Variants in RAPGEF1 observed in about 807,000 individuals in gnomAD.
RAPGEF1 encodes Rap guanine nucleotide exchange factor 1.
RAPGEF1 carries 33 observed loss-of-function variants against 143.3 expected under a neutral mutation model. The ratio of observed to expected loss-of-function variants is 0.23; its 90% confidence interval spans 0.17 to 0.31. The LOEUF (loss-of-function observed/expected upper bound fraction) is 0.31, where lower values mean the gene tolerates loss of function less well. Ranked by LOEUF, RAPGEF1 falls within the 10% of genes least tolerant of loss-of-function variation. RAPGEF1 has a pLI of 1.00. For synonymous variants in RAPGEF1, 629 were observed against 676.5 expected (o/e 0.93, Z 1.09); for missense variants, 1,199 against 1,645.4 (o/e 0.73, Z 4.69).
chr9:131,605,282 C>T lies in RAPGEF1; in HGVS notation c.2062-94G>A, dbSNP rs1243360685. ...TGGCAGTAGCTGAGCAGTGACAGGC[C>T]GTTCACAATAACTTAGTCTAACGGG... On this transcript the variant is annotated intron_variant, in intron 12 of 26. Transcript: ENST00000683357. The T allele has an allele frequency of 1.9e-5, 21 of 1,104,672 alleles. No homozygotes were observed. In the Middle Eastern group the frequency reaches 1.5e-3, roughly 77 times the overall value. The allele number at this position is 1,104,672 out of a possible 1,614,324, so 68.4% of individuals were successfully genotyped here.
intron 15 of RAPGEF1, among the ~76,000 whole-genome samples, chr9:131,599,113 G>A (rs1478587569): frequency 2.0e-5 from 3 of 146,564 alleles, no homozygotes; most frequent in Non-Finnish European, 4.5e-5. Context: ...GTGAGCCACC[G>A]TGCCCAGCCA....
intron 1 of RAPGEF1, among the ~76,000 whole-genome samples, chr9:131,715,263 G>C (rs1429454011): frequency 6.6e-6 from 1 of 152,164 alleles, no homozygotes; most frequent in Non-Finnish European, 1.5e-5. Flanking sequence ...GGTGATCAGT[G>C]CTAAATTCAG....
chr9:131,699,402 G>A (rs1057040841), intron 1 of RAPGEF1, among the ~76,000 whole-genome samples: 1 of 152,056 alleles, frequency 6.6e-6, no homozygotes, highest in African/African-American at 2.4e-5. Context: ...GTGCCACCAT[G>A]CCTGGCTAAT....
intron 3 of RAPGEF1, among the ~76,000 whole-genome samples, chr9:131,649,478 G>A (rs950272117): frequency 1.3e-5 from 2 of 152,134 alleles, no homozygotes; most frequent in Non-Finnish European, 1.5e-5. Context: ...CAGACAGCCT[G>A]CATTCAAATC....
intron 1 of RAPGEF1, among the ~76,000 whole-genome samples, chr9:131,693,247 C>G (rs1833908336): frequency 6.6e-6 from 1 of 152,098 alleles, no homozygotes; most frequent in South Asian, 2.1e-4. Context: ...AGTGCTGATG[C>G]CCTAAGTTTT....
intron 1 of RAPGEF1, among the ~76,000 whole-genome samples, chr9:131,694,030 A>G (rs746182673): frequency 6.6e-6 from 1 of 151,996 alleles, no homozygotes; most frequent in Non-Finnish European, 1.5e-5. Flanking sequence ...AGGCTGTGAC[A>G]GGCCCTACAA....
In RAPGEF1 at chr9:131,621,350, G is replaced by GTA. The variant is rs1421899117; in HGVS notation, c.1905+444_1905+445dup. 1.4e-4 allele frequency among the ~76,000 whole-genome samples: 22 copies of GTA among 152,224 alleles called. No individual in the cohort carries two copies. The highest frequency in any genetic ancestry group is 2.9e-4 in the Non-Finnish European group (20 of 68,034). On this transcript the variant is annotated intron_variant, in intron 11 of 26. Transcript: ENST00000683357. The surrounding 1 kb of genome is among the most constrained non-coding windows in gnomAD (Gnocchi z 4.5). ...GGCCCTCCCCGGCCAAGGCTGGGTT[G>GTA]TAAGTCACTCTACACAGTTAGGCCC...
intron 18 of RAPGEF1, 93 bp downstream of exon 18, chr9:131,592,006 C>T (rs748789758): frequency 1.3e-4 from 123 of 976,850 alleles, no homozygotes; most frequent in Middle Eastern, 3.2e-4. Flanking sequence ...ATATGCTGCT[C>T]GGCTTCCCCC....
chr9:131,628,035 C>G lies in RAPGEF1; in HGVS notation c.1079G>C (p.Gly360Ala), dbSNP rs766236097. ...RLSGGSHSYG[G>A]ESPRLSPCSS... Reference sequence around the variant, plus strand: ...GCAGGGGGAGAGGCGGGGCGACTCTCCACCATATGAGTGGCTGCCTCCTGA... The same window carrying G: ...GCAGGGGGAGAGGCGGGGCGACTCTGCACCATATGAGTGGCTGCCTCCTGA... The change falls in exon 9 of 27, where the codon GGA becomes GCA. Residue 360 changes from glycine (G) to alanine (A), a missense_variant. This residue lies in a region of RAPGEF1 where 613 missense variants were observed against 710.9 expected (regional missense o/e 0.86). Coordinates refer to ENST00000683357, the MANE Select transcript of RAPGEF1 (RefSeq NM_001377935.1). This position sits in a 1 kb window ranked among gnomAD's most constrained non-coding sequence, Gnocchi z 5.7. 6.4e-7 allele frequency: 1 copy of G among 1,565,538 alleles called. No individual in the cohort carries two copies. The highest frequency in any genetic ancestry group is 2.4e-5 in the East Asian group (1 of 42,166).
At chr9:131,608,149 C>G (rs1219886491) in intron 12 of RAPGEF1, among the ~76,000 whole-genome samples, 1 of 152,182 alleles carries the variant, frequency 6.6e-6, no homozygotes, top group Non-Finnish European at 1.5e-5. Flanking sequence ...AAACAATAGC[C>G]CCTCCCCCAT....
intron 11 of RAPGEF1, among the ~76,000 whole-genome samples, chr9:131,620,851 C>T (rs1399370002): frequency 6.6e-6 from 1 of 152,194 alleles, no homozygotes; most frequent in Admixed American, 6.5e-5. Context: ...AATCAGATGG[C>T]CCCTCATGTC....
chr9:131,690,900 C>T (rs115563442), intron 1 of RAPGEF1, among the ~76,000 whole-genome samples: 153 of 152,324 alleles, frequency 1.0e-3, no homozygotes, highest in African/African-American at 3.5e-3. Context: ...CAGTTAATTG[C>T]TTTGTTCTGA....
At chr9:131,679,051 G>A (rs1049366110) in intron 1 of RAPGEF1, among the ~76,000 whole-genome samples, 2 of 152,126 alleles carry the variant, frequency 1.3e-5, no homozygotes, top group African/African-American at 4.8e-5. Flanking sequence ...AAGGCTAAGA[G>A]GCAGCAGTGA....
At chr9:131,693,927 C>T (rs912178318) in intron 1 of RAPGEF1, among the ~76,000 whole-genome samples, 1 of 151,978 alleles carries the variant, frequency 6.6e-6, no homozygotes, top group East Asian at 1.9e-4. Flanking sequence ...GCACAAATCT[C>T]GTATCCTCTC....
chr9:131,606,922 G>C (rs1957208820), intron 12 of RAPGEF1, among the ~76,000 whole-genome samples: 1 of 152,110 alleles, frequency 6.6e-6, no homozygotes, highest in Admixed American at 6.5e-5. Context: ...ACCATTCCTG[G>C]CCCTTAAGCA....
chr9:131,579,172 G>A lies in RAPGEF1; in HGVS notation c.*325C>T, dbSNP rs1250350033. On this transcript the variant is annotated 3_prime_UTR_variant, in exon 27 of 27. Transcript: ENST00000683357. The stretch of plus-strand genomic sequence containing the variant: ...ATGAGGTCTCTGCTGCTCTCTCCCT[G>A]GAGGGGAGTGGGTGGAAGGTCAAGA... 1 of 285,242 alleles carries A rather than the reference G, an allele frequency of 3.5e-6. No individual in the cohort carries two copies. The highest frequency in any genetic ancestry group is 6.8e-6 in the Non-Finnish European group (1 of 147,746). The allele number at this position is 285,242 out of a possible 1,614,324, so 17.7% of individuals were successfully genotyped here.
At chr9:131,588,631 C>T (rs559747994) in intron 20 of RAPGEF1, among the ~76,000 whole-genome samples, 170 bp downstream of exon 20, 1 of 152,310 alleles carries the variant, frequency 6.6e-6, no homozygotes, top group Non-Finnish European at 1.5e-5. Flanking sequence ...TATGTGCCTC[C>T]TGGAGAAGAG....
intron 1 of RAPGEF1, among the ~76,000 whole-genome samples, chr9:131,660,618 T>A (rs1973797396): frequency 6.6e-6 from 1 of 152,126 alleles, no homozygotes. Context: ...ACCCTCAAGC[T>A]GGCCTGTCTG....
intron 12 of RAPGEF1, among the ~76,000 whole-genome samples, chr9:131,606,755 C>T (rs1957182040): frequency 6.6e-6 from 1 of 152,280 alleles, no homozygotes; most frequent in African/African-American, 2.4e-5. Context: ...TCCTGAGTAG[C>T]TGGGACCACA....
Sources: gnomAD v4.1 joint callset for allele counts (sites outside exome capture counted in the v4.1 genomes callset) on GRCh38, gnomAD v4.1.1 for gene constraint, gnomAD v4.1.1 regional missense constraint, Gnocchi (gnomAD v3.1) non-coding constraint, MANE v1.5 for transcripts, NCBI Gene and HGNC (gene_info 2026-07-23, HGNC 2026-07-21) for gene names.